DLGAP2: variants seen among roughly 807,000 people sequenced by gnomAD.
DLGAP2 encodes the protein DLG associated protein 2.
DLGAP2 carries 26 observed loss-of-function variants against 100.3 expected under a neutral mutation model. The observed-to-expected ratio is 0.26, with a 90% CI of 0.19 to 0.36. The LOEUF (loss-of-function observed/expected upper bound fraction) is 0.36. Among genes scored for constraint, DLGAP2 ranks in the 10% least tolerant of loss-of-function variants. The probability of loss-of-function intolerance (pLI) is 1.00; values close to 1 mark genes in which losing one functional copy is unlikely to be tolerated. For missense variants in DLGAP2, 1,858 were observed against 1,453.2 expected (o/e 1.28, Z -4.53); for synonymous variants, 886 against 630.1 (o/e 1.41, Z -6.08).
At chr8:1,624,305 C>T (rs1387314181) in intron 6 of DLGAP2, among the ~76,000 whole-genome samples, 3 of 151,914 alleles carry the variant, frequency 2.0e-5, no homozygotes, top group Non-Finnish European at 2.9e-5. Flanking sequence ...AGCAGAAGTG[C>T]GGGAAGTTTA....
chr8:849,557 G>A (rs1211389456), intron 1 of DLGAP2, among the ~76,000 whole-genome samples: 1 of 152,110 alleles, frequency 6.6e-6, no homozygotes, highest in African/African-American at 2.4e-5. Context: ...TGCCCTTTTG[G>A]GTTTCTACCA....
chr8:1,660,635 A>C (rs1428322499), intron 8 of DLGAP2, among the ~76,000 whole-genome samples: 5 of 152,196 alleles, frequency 3.3e-5, no homozygotes, highest in Admixed American at 2.0e-4. Context: ...CAGGTCAGTT[A>C]TTTCTATTAA....
intron 3 of DLGAP2, among the ~76,000 whole-genome samples, chr8:1,446,348 A>G (rs1797985608): frequency 6.6e-6 from 1 of 152,120 alleles, no homozygotes. Context: ...TTAAATAGGG[A>G]ATCCTTTCCC....
intron 3 of DLGAP2, chr8:1,380,951 A>C (rs1247808107): frequency 7.2e-6 from 1 of 139,452 alleles, no homozygotes; most frequent in African/African-American, 3.0e-5. Context: ...AAAAAAAAAA[A>C]AAAAAAAAAC....
chr8:1,638,131 C>T (rs1293513643), intron 8 of DLGAP2, among the ~76,000 whole-genome samples: 3 of 152,252 alleles, frequency 2.0e-5, no homozygotes, highest in Non-Finnish European at 2.9e-5. Context: ...CTGCAGAATT[C>T]GGAGGTCACT....
chr8:1,081,455 G>A (rs142488013), intron 2 of DLGAP2, among the ~76,000 whole-genome samples: 2 of 152,146 alleles, frequency 1.3e-5, no homozygotes, highest in African/African-American at 4.8e-5. Context: ...AGGTTCAAGC[G>A]ATTCTCCTGC....
chr8:1,571,470 G>C (rs1408732856), intron 6 of DLGAP2, among the ~76,000 whole-genome samples: 1 of 142,860 alleles, frequency 7.0e-6, no homozygotes, highest in Non-Finnish European at 1.5e-5. Context: ...GGTGAACTGT[G>C]GGGTGTCTGA....
intron 6 of DLGAP2, among the ~76,000 whole-genome samples, chr8:1,605,567 G>A (rs142808241): frequency 2.3e-3 from 346 of 152,254 alleles, no homozygotes; most frequent in African/African-American, 8.1e-3. Context: ...TGCCTCTTTA[G>A]GATGAAATCT....
At chr8:1,040,644 C>T (rs1315583976) in intron 2 of DLGAP2, among the ~76,000 whole-genome samples, 10 of 150,214 alleles carry the variant, frequency 6.7e-5, no homozygotes, top group Middle Eastern at 3.5e-3. Context: ...GTGGTTGGCT[C>T]GGTGTGCGTG....
At chr8:1,412,897 C>A (rs1014597177) in intron 3 of DLGAP2, among the ~76,000 whole-genome samples, 2 of 152,176 alleles carry the variant, frequency 1.3e-5, no homozygotes, top group African/African-American at 4.8e-5. Flanking sequence ...TTCCTGTCTC[C>A]CTGTCTCTGA....
intron 2 of DLGAP2, among the ~76,000 whole-genome samples, chr8:966,398 C>T (rs1252800343): frequency 6.6e-6 from 1 of 152,096 alleles, no homozygotes; most frequent in Non-Finnish European, 1.5e-5. Context: ...AGATAAGTAT[C>T]GAGGAAGCTT....
chr8:1,187,665 A>G (rs1474506358), intron 2 of DLGAP2, among the ~76,000 whole-genome samples: 20 of 128,110 alleles, frequency 1.6e-4, no homozygotes, highest in Non-Finnish European at 2.9e-4. Flanking sequence ...CGTGCCCGGG[A>G]CCTCTGTGAC....
chr8:1,030,226 T>C (rs1325676038), intron 2 of DLGAP2, among the ~76,000 whole-genome samples: 1 of 152,244 alleles, frequency 6.6e-6, no homozygotes, highest in Admixed American at 6.5e-5. Flanking sequence ...GAGATCCAGA[T>C]GTTCAGCCTC....
intron 1 of DLGAP2, among the ~76,000 whole-genome samples, chr8:857,909 T>G (rs372972360): frequency 5.9e-5 from 9 of 152,016 alleles, no homozygotes; most frequent in East Asian, 5.8e-4. Context: ...TCGCTCTTGT[T>G]GCCCAGGCTG....
intron 2 of DLGAP2, among the ~76,000 whole-genome samples, chr8:1,107,593 G>A (rs1276686470): frequency 2.6e-5 from 4 of 152,234 alleles, no homozygotes; most frequent in African/African-American, 9.6e-5. Context: ...GGAGGCAGCT[G>A]ACTATCGAGA....
intron 2 of DLGAP2, among the ~76,000 whole-genome samples, chr8:1,193,967 C>A (rs889519010): frequency 6.6e-6 from 1 of 152,096 alleles, no homozygotes; most frequent in Non-Finnish European, 1.5e-5. Context: ...GAGAGCTTGA[C>A]GGGAAGGAAG....
intron 2 of DLGAP2, among the ~76,000 whole-genome samples, chr8:994,596 C>A (rs1169429854): frequency 6.6e-6 from 1 of 152,214 alleles, no homozygotes; most frequent in Non-Finnish European, 1.5e-5. Flanking sequence ...ACCTGTGCTG[C>A]TTCCTAGAAC....
At chr8:1,670,166 C>G (rs759031256) in intron 10 of DLGAP2, among the ~76,000 whole-genome samples, 11 of 152,230 alleles carry the variant, frequency 7.2e-5, no homozygotes, top group Non-Finnish European at 1.3e-4. Context: ...CAGGTGCCCT[C>G]CAGGATATCC....
In DLGAP2 at chr8:1,415,082, G is replaced by T. The variant is rs551174945; in HGVS notation, c.107-86284G>T. Among the ~76,000 whole-genome samples the T allele has an allele frequency of 2.0e-5, 3 of 152,308 alleles. No homozygotes were observed. The South Asian group carries it at 6.2e-4, about 32-fold the overall frequency. On this transcript the variant is annotated intron_variant, in intron 3 of 14. Coordinates refer to ENST00000637795, the MANE Select transcript of DLGAP2 (RefSeq NM_001346810.2). ...TATACTTGTCCAGCCTTTGGCTGTG[G>T]TGCACATGCATACATACGTGTACAC... is the stretch of plus-strand genomic sequence containing the variant.
Sources: allele counts gnomAD v4.1 joint callset (sites outside exome capture counted in the v4.1 genomes callset), GRCh38; gene constraint gnomAD v4.1.1; transcripts MANE v1.5; gene names NCBI Gene and HGNC (gene_info 2026-07-23, HGNC 2026-07-21).